Variants in CLSPN observed in about 807,000 individuals in gnomAD.
CLSPN encodes the protein claspin, also known as claspin homolog.
A neutral mutation model predicts 156.3 loss-of-function variants in CLSPN; 85 were observed. The ratio of observed to expected loss-of-function variants is 0.54; its 90% CI spans 0.46 to 0.65. The LOEUF is 0.65. Ranked by LOEUF, CLSPN falls within the 30% of genes least tolerant of loss-of-function variation. The pLI, the probability that CLSPN is intolerant of heterozygous loss-of-function variation, is 0.00. For missense variants in CLSPN, 1,407 were observed against 1,554.9 expected, an observed-to-expected ratio of 0.90 and a Z score of 1.60; for synonymous variants, 534 against 542.4, an observed-to-expected ratio of 0.98 and a Z score of 0.22.
chr1:35,744,862 G>A (rs537210353), intron 16 of CLSPN, among the ~76,000 whole-genome samples: 3 of 152,192 alleles, frequency 2.0e-5, no homozygotes, highest in African/African-American at 7.2e-5. Context: ...TGCCCAGGTT[G>A]GAGTGCAATG....
At chr1:35,737,136 C>T (rs1166223229) in intron 23 of CLSPN, 61 bp from the exon 24 acceptor site, 3 of 1,525,482 alleles carry the variant, frequency 2.0e-6, no homozygotes, top group East Asian at 2.3e-5. Context: ...ATGAAAAGTC[C>T]TTCCCTCCCT....
At chr1:35,753,340 CT>C (rs1180857033) in intron 9 of CLSPN, among the ~76,000 whole-genome samples, 1 of 152,138 alleles carries the variant, frequency 6.6e-6, no homozygotes, top group African/African-American at 2.4e-5. Flanking sequence ...ATCCTCCTGC[CT>C]TGTCCTTCCA....
At chr1:35,743,029 C>T (rs1028981638) in intron 18 of CLSPN, 112 bp downstream of exon 18, 7 of 767,924 alleles carry the variant, frequency 9.1e-6, no homozygotes, top group African/African-American at 3.4e-5. Flanking sequence ...TCAGGTGATC[C>T]GCCTGCTTCA....
chr1:35,731,091 T>C (rs1641305395), downstream of CLSPN, among the ~76,000 whole-genome samples: 1 of 151,380 alleles, frequency 6.6e-6, no homozygotes, highest in African/African-American at 2.4e-5. Context: ...TCCCAGCTAC[T>C]TGGGAGGCTG....
rs986981845 is a variant in CLSPN, at chr1:35,745,670, C to T, written c.2855-108G>A. 6 of 714,824 alleles carry T rather than the reference C, an allele frequency of 8.4e-6. No homozygotes were observed. In the African/African-American group the frequency reaches 1.1e-4, roughly 13 times the overall value. The allele number at this position is 714,824 out of a possible 1,614,324, so 44.3% of individuals were successfully genotyped here. A position where few individuals can be genotyped will look rare whatever the true frequency, so the allele number is the denominator to read the frequency against. On this transcript the variant is annotated intron_variant, in intron 15 of 24. Transcript: ENST00000318121. ...TCGATACAGTTCTAAGGTAAGCTTG[C>T]CAAGAAGAGCCTACCATCTATTCAT...
chr1:35,766,489 G>A (rs1247124911), intron 1 of CLSPN, among the ~76,000 whole-genome samples: 3 of 152,004 alleles, frequency 2.0e-5, no homozygotes, highest in African/African-American at 7.2e-5. Context: ...TTGTCGCCCA[G>A]GATGGAGCGC....
chr1:35,726,785 C>G (rs566577276), intron 24 of CLSPN, among the ~76,000 whole-genome samples: 1 of 152,274 alleles, frequency 6.6e-6, no homozygotes, highest in Admixed American at 6.5e-5. Context: ...GGACGAGGAG[C>G]AGGGGAAGGG....
At position 35,738,112 on chromosome 1, in the gene CLSPN, AAATATATATATATAT is replaced by A; in HGVS notation, c.3559-30_3559-16del. 1 of 479,464 alleles carries A rather than the reference AAATATATATATATAT, an allele frequency of 2.1e-6. No homozygotes were observed. The highest frequency in any genetic ancestry group is 1.4e-4 in the East Asian group (1 of 6,988). 29.7% of individuals were successfully genotyped at this position (479,464 alleles called of 1,614,324 possible). On this transcript the variant is annotated splice_polypyrimidine_tract_variant and intron_variant, in intron 21 of 24. Coordinates refer to ENST00000318121, the MANE Select transcript of CLSPN (RefSeq NM_022111.4). ...CCCTGCTGTGCCTGAAAAAAAAAAA[AAATATATATATATAT>A]ATATATATATATACAGCATTAAAAG...
downstream of CLSPN, among the ~76,000 whole-genome samples, chr1:35,728,077 C>CTT (rs59275877): frequency 4.8e-5 from 5 of 103,982 alleles, no homozygotes; most frequent in African/African-American, 1.4e-4. Flanking sequence ...AAACCACAAG[C>CTT]TTTTTTTTTT....
chr1:35,746,706 C>A lies in CLSPN; in HGVS notation c.2854+60G>T, dbSNP rs891158881. ...AGCCACCCCACCCGCCCAGGGAATTCTTTTCAAGGGCACTGATACTTGGGT... is the reference window on the plus strand; with the variant it reads ...AGCCACCCCACCCGCCCAGGGAATTATTTTCAAGGGCACTGATACTTGGGT... On this transcript the variant is annotated intron_variant, in intron 15 of 24. Transcript: ENST00000318121. The surrounding 1 kb of genome is among the most constrained non-coding windows in gnomAD (Gnocchi z 4.2). 4.1e-6 allele frequency: 5 copies of A among 1,223,606 alleles called. No individual in the cohort carries two copies. The African/African-American group carries it at 4.5e-5, about 11-fold the overall frequency. The allele number at this position is 1,223,606 out of a possible 1,614,324, so 75.8% of individuals were successfully genotyped here.
intron 4 of CLSPN, among the ~76,000 whole-genome samples, chr1:35,762,720 T>C (rs1642525123): frequency 6.6e-6 from 1 of 152,126 alleles, no homozygotes; most frequent in Admixed American, 6.6e-5. Flanking sequence ...AGAGGGATAA[T>C]AACTCGCAGG....
In CLSPN at chr1:35,761,354, C is replaced by G; in HGVS notation, c.896-150G>C. On this transcript the variant is annotated intron_variant, in intron 6 of 24. Coordinates refer to ENST00000318121, the MANE Select transcript of CLSPN (RefSeq NM_022111.4). ...GGCAGAGGAGCTAAGTACAAAAAAG[C>G]TCCCTGAAGACCAGTGGCTTTTAAA... 3 of 504,202 alleles carry G rather than the reference C, an allele frequency of 5.9e-6. No homozygotes were observed. In the South Asian group the frequency reaches 1.1e-4, roughly 19 times the overall value. The allele number at this position is 504,202 out of a possible 1,614,324, so 31.2% of individuals were successfully genotyped here. A position where few individuals can be genotyped will look rare whatever the true frequency, so the allele number is the denominator to read the frequency against.
At chr1:35,728,598 T>C (rs903672541), downstream of CLSPN, among the ~76,000 whole-genome samples, 4 of 152,066 alleles carry the variant, frequency 2.6e-5, no homozygotes, top group South Asian at 6.2e-4. Flanking sequence ...AACAATAACA[T>C]TGAAGGGACA....
chr1:35,743,627 A>ATT (rs369236831), intron 16 of CLSPN, 97 bp from the exon 17 acceptor site: 104 of 701,910 alleles, frequency 1.5e-4, no homozygotes, highest in African/African-American at 1.7e-4. Flanking sequence ...GTGTGTGTTA[A>ATT]TTTTTTTTTT....
chr1:35,759,981 G>A (rs914928847), intron 8 of CLSPN, among the ~76,000 whole-genome samples: 18 of 151,826 alleles, frequency 1.2e-4, no homozygotes, highest in African/African-American at 4.1e-4. Context: ...CTACAGATGC[G>A]TGCCACCATG....
In CLSPN at chr1:35,764,397, A is replaced by G; in HGVS notation, c.451T>C (p.Ser151Pro). Residue 151 changes from serine (S) to proline (P), a missense_variant, in exon 3 of 25, where the codon TCC becomes CCC. By Grantham distance (74) the Ser-to-Pro change is moderately conservative. Coordinates refer to ENST00000318121, the MANE Select transcript of CLSPN (RefSeq NM_022111.4). ...STDFTTDRKS[S>P]KKHIHDKEGT... Reference sequence around the variant, plus strand: ...TCTTTATCATGTATGTGCTTTTTGGAACTCTTTCTGTCAGTGGTAAAGTCT... The same window carrying G: ...TCTTTATCATGTATGTGCTTTTTGGGACTCTTTCTGTCAGTGGTAAAGTCT... 6.2e-7 allele frequency: 1 copy of G among 1,612,966 alleles called. No individual in the cohort carries two copies.
At chr1:35,753,982 C>T (rs776205219) in intron 8 of CLSPN, 46 bp from the exon 9 acceptor site, 289 of 1,580,050 alleles carry the variant, frequency 1.8e-4, no homozygotes, top group Non-Finnish European at 2.4e-4. Context: ...ATGCTCAAAA[C>T]TCTTTCCTTT....
rs1641878868 is a variant in CLSPN at position 35,746,247 on chromosome 1, A to G, written c.2854+519T>C. Among the ~76,000 whole-genome samples the G allele has an allele frequency of 6.6e-6, 1 of 151,982 alleles. No individual in the cohort carries two copies. The highest frequency in any genetic ancestry group is 1.5e-5 in the Non-Finnish European group (1 of 67,952). On this transcript the variant is annotated intron_variant, in intron 15 of 24. Transcript: ENST00000318121. This position sits in a 1 kb window ranked among gnomAD's most constrained non-coding sequence, Gnocchi z 4.2. ...GGCGTGAGCCACTGCGCCCGGCCTA[A>G]AGTAGTCTTAAGTTGATACTTTACC... is the stretch of plus-strand genomic sequence containing the variant.
At chr1:35,725,238 C>T (rs1190432122) in intron 24 of CLSPN, among the ~76,000 whole-genome samples, 2 of 152,226 alleles carry the variant, frequency 1.3e-5, no homozygotes, top group Non-Finnish European at 1.5e-5. Flanking sequence ...TTCCCCTTCT[C>T]ACCCACCCCT....
Sources: gnomAD v4.1 joint callset for allele counts (sites outside exome capture counted in the v4.1 genomes callset) on GRCh38, gnomAD v4.1.1 for gene constraint, Gnocchi (gnomAD v3.1) non-coding constraint, MANE v1.5 for transcripts, NCBI Gene and HGNC (gene_info 2026-07-23, HGNC 2026-07-21) for gene names.